TPGS2: variants seen among roughly 807,000 people sequenced by gnomAD.
TPGS2 encodes the protein polyglutamylase subunit 2.
Under a neutral mutation model 31.1 loss-of-function variants are expected in TPGS2, and 26 were observed. That is an observed-to-expected ratio of 0.84 (90% confidence interval 0.61 to 1.16). The LOEUF (loss-of-function observed/expected upper bound fraction) is 1.16, where lower values mean the gene tolerates loss of function less well. Ranked by LOEUF, TPGS2 falls within the 50% of genes most tolerant of loss-of-function variation. The probability of loss-of-function intolerance (pLI) is 0.00; values close to 1 mark genes in which losing one functional copy is unlikely to be tolerated. For missense variants in TPGS2, 351 were observed against 363.8 expected (o/e 0.96, Z 0.29); for synonymous variants, 130 against 136.6 (o/e 0.95, Z 0.34).
intron 1 of TPGS2, chr18:36,820,981 C>A (rs2045868710): frequency 6.6e-6 from 1 of 152,082 alleles, no homozygotes; most frequent in Non-Finnish European, 1.5e-5. Context: ...TTTAGATATG[C>A]CGTGGATTAA....
intron 1 of TPGS2, among the ~76,000 whole-genome samples, chr18:36,825,731 T>C (rs1042953896): frequency 6.6e-6 from 1 of 152,210 alleles, no homozygotes; most frequent in Non-Finnish European, 1.5e-5. Context: ...AGGAACTTTT[T>C]TCCTGTTTTG....
At chr18:36,800,162 C>T in intron 5 of TPGS2, 36 bp downstream of exon 5, 2 of 1,593,818 alleles carry the variant, frequency 1.3e-6, no homozygotes, top group Non-Finnish European at 1.7e-6. Context: ...AAGACCCTAG[C>T]CAAACTACGG....
At chr18:36,804,063 A>G (rs1310499217) in intron 4 of TPGS2, among the ~76,000 whole-genome samples, 1 of 152,144 alleles carries the variant, frequency 6.6e-6, no homozygotes, top group Non-Finnish European at 1.5e-5. Flanking sequence ...CCTGGGATCC[A>G]GTGATCCTCT....
At chr18:36,792,272 G>A (rs1303923548), downstream of TPGS2, among the ~76,000 whole-genome samples, 2 of 152,090 alleles carry the variant, frequency 1.3e-5, no homozygotes, top group Non-Finnish European at 2.9e-5. Flanking sequence ...AAATTGAATA[G>A]AATTATTTAA....
Position 36,787,015 on chromosome 18 carries a change from A to G in TPGS2, c.658-3884T>C, listed in dbSNP as rs574035226. 24 of 1,234,246 alleles carry G rather than the reference A, an allele frequency of 1.9e-5. No homozygotes were observed. In the South Asian group the frequency reaches 2.5e-4, roughly 13 times the overall value. 76.5% of individuals were successfully genotyped at this position (1,234,246 alleles called of 1,614,324 possible). ...GACACAGCTCCTCAGCTCCCATTGG[A>G]GGGGCTCAACAGCCAGTTTCCAGTG... On this transcript the variant is annotated intron_variant, in intron 6 of 6. Coordinates refer to the TPGS2 transcript ENST00000587129.
downstream of TPGS2, among the ~76,000 whole-genome samples, chr18:36,780,474 T>G (rs1455562740): frequency 1.3e-5 from 2 of 152,356 alleles, no homozygotes; most frequent in Non-Finnish European, 2.9e-5. Context: ...ATGTAAAGCT[T>G]TGTGTACAGA....
At chr18:36,816,204 C>A (rs1190624394) in intron 2 of TPGS2, among the ~76,000 whole-genome samples, 2 of 152,070 alleles carry the variant, frequency 1.3e-5, no homozygotes, top group Non-Finnish European at 2.9e-5. Flanking sequence ...CCTTTTAGAC[C>A]TCTGATGGCT....
At chr18:36,807,081 T>C (rs952375009) in intron 3 of TPGS2, among the ~76,000 whole-genome samples, 9 of 151,746 alleles carry the variant, frequency 5.9e-5, no homozygotes, top group African/African-American at 1.7e-4. Flanking sequence ...GTAGATCTGG[T>C]TGGAGTCAGA....
chr18:36,780,702 T>A (rs1265165212), downstream of TPGS2, among the ~76,000 whole-genome samples: 1 of 152,226 alleles, frequency 6.6e-6, no homozygotes, highest in African/African-American at 2.4e-5. Context: ...GACTGAATAC[T>A]GTAGGCAGTT....
At chr18:36,804,200 T>C (rs576377115) in intron 4 of TPGS2, among the ~76,000 whole-genome samples, 5 of 152,330 alleles carry the variant, frequency 3.3e-5, no homozygotes, top group East Asian at 1.9e-4. Context: ...TCACTGTTTT[T>C]CCATTTAGGT....
chr18:36,827,935 G>A (rs1305997765), intron 1 of TPGS2, among the ~76,000 whole-genome samples: 1 of 152,072 alleles, frequency 6.6e-6, no homozygotes, highest in East Asian at 1.9e-4. Flanking sequence ...GGCCAGGCGC[G>A]GTGGCTCACG....
intron 1 of TPGS2, among the ~76,000 whole-genome samples, chr18:36,826,714 G>C (rs2046153360): frequency 6.6e-6 from 1 of 152,170 alleles, no homozygotes; most frequent in South Asian, 2.1e-4. Context: ...CCATGAGTAG[G>C]ACTATCTCCT....
chr18:36,823,457 C>CTTCTTTTTTTTT (rs1193182256), intron 1 of TPGS2, among the ~76,000 whole-genome samples: 1 of 107,084 alleles, frequency 9.3e-6, no homozygotes, highest in African/African-American at 5.0e-5. Context: ...TTGTTAACAG[C>CTTCTTTTTTTTT]TTGTTTTTTT....
rs1320550847 is a variant in TPGS2 at position 36,796,972 on chromosome 18, G to C, written c.736C>G (p.Leu246Val). Reference sequence around the variant, plus strand: ...CTCTTAAACACTTTGCTGGGATCTAGCTTATTCACAAAGGAGTCGGTCTCT... The same window carrying C: ...CTCTTAAACACTTTGCTGGGATCTACCTTATTCACAAAGGAGTCGGTCTCT... ...TEETDSFVNK[L>V]DPSKVFKSKN... Residue 246 changes from leucine (L) to valine (V), a missense_variant, in exon 7 of 7, where the codon CTA becomes GTA. By Grantham distance (32) the Leu-to-Val change is conservative (BLOSUM62 1). Coordinates refer to ENST00000334295, the MANE Select transcript of TPGS2 (RefSeq NM_015476.4). 1 of 1,603,818 alleles carries C rather than the reference G, an allele frequency of 6.2e-7. No homozygotes were observed. Among genetic ancestry groups the C allele is most frequent in the Non-Finnish European group, 8.5e-7 (1 of 1,177,052 alleles).
chr18:36,797,146 G>A, intron 6 of TPGS2, 96 bp from the exon 7 acceptor site: 1 of 1,556,660 alleles, frequency 6.4e-7, no homozygotes, highest in Admixed American at 2.3e-5. Context: ...GGGAACAGGA[G>A]GCAGAGGTAC....
chr18:36,780,276 G>T, downstream of TPGS2: 1 of 1,005,320 alleles, frequency 9.9e-7, no homozygotes, highest in Non-Finnish European at 1.3e-6. Context: ...GTTACAGGAC[G>T]TGTTAGCTGT....
Position 36,796,871 on chromosome 18 carries a change from G to A in TPGS2, c.837C>T (p.Pro279=). ...PAGGQKGPSG[P]SGPSTSSTSK... is the part of the protein sequence containing the mutation. ...AAGTGGAGGAAGTGGAGGGACCGGA[G>A]GGTCCTGAGGGCCCTTTCTGGCCAC... The change falls in exon 7 of 7, where the codon CCC becomes CCT. Residue 279 remains proline, a synonymous_variant. Transcript: ENST00000334295. 3.7e-6 allele frequency: 6 copies of A among 1,610,232 alleles called. No individual in the cohort carries two copies. The highest frequency in any genetic ancestry group is 5.1e-6 in the Non-Finnish European group (6 of 1,178,856).
downstream of TPGS2, chr18:36,782,839 G>A (rs1237595724): frequency 1.9e-5 from 7 of 362,578 alleles, no homozygotes; most frequent in Admixed American, 4.6e-5. Flanking sequence ...TGAAATGAAC[G>A]TTTGAAAAAT....
downstream of TPGS2, among the ~76,000 whole-genome samples, chr18:36,781,480 T>C (rs531292413): frequency 1.2e-4 from 18 of 152,228 alleles, no homozygotes; most frequent in Non-Finnish European, 1.9e-4. Flanking sequence ...GGTGAAACCC[T>C]GTCTCTACTA....
Sources: allele counts gnomAD v4.1 joint callset (sites outside exome capture counted in the v4.1 genomes callset), GRCh38; gene constraint gnomAD v4.1.1; transcripts MANE v1.5; gene names NCBI Gene and HGNC (gene_info 2026-07-23, HGNC 2026-07-21).